The following SLC9A9 variants were observed in gnomAD, a reference collection of about 807,000 sequenced individuals.
SLC9A9 encodes the protein sodium/hydrogen exchanger 9.
In SLC9A9, 62 loss-of-function variants were observed where a neutral mutation model predicts 77.8. The observed-to-expected ratio is 0.80, with a 90% CI of 0.65 to 0.98. The LOEUF (loss-of-function observed/expected upper bound fraction) is 0.98. Ranked by LOEUF, SLC9A9 falls within the 50% of genes least tolerant of loss-of-function variation. SLC9A9 has a pLI of 0.00. For synonymous variants in SLC9A9, 320 were observed against 283.5 expected (o/e 1.13, Z -1.29); for missense variants, 775 against 774.9 (o/e 1.00, Z 0.00).
At chr3:143,552,256 A>G (rs2036901978) in intron 9 of SLC9A9, 106 bp downstream of exon 9, 1 of 781,806 alleles carries the variant, frequency 1.3e-6, no homozygotes, top group Non-Finnish European at 2.0e-6. Flanking sequence ...TTAAGCTTAC[A>G]TTCTTCCTTT....
intron 2 of SLC9A9, among the ~76,000 whole-genome samples, chr3:143,820,672 G>A (rs183726891): frequency 2.6e-5 from 4 of 152,222 alleles, no homozygotes; most frequent in Admixed American, 2.0e-4. Flanking sequence ...AAAATAACAG[G>A]TGCAAGTGAG....
intron 4 of SLC9A9, among the ~76,000 whole-genome samples, chr3:143,715,294 C>G (rs1934308786): frequency 6.6e-6 from 1 of 152,216 alleles, no homozygotes; most frequent in Non-Finnish European, 1.5e-5. Flanking sequence ...GTCCACACAG[C>G]TCTCTTTCCA....
chr3:143,757,289 GA>G (rs1268184675), intron 4 of SLC9A9, among the ~76,000 whole-genome samples: 2 of 152,128 alleles, frequency 1.3e-5, no homozygotes, highest in Non-Finnish European at 2.9e-5. Flanking sequence ...ATAAATAAGT[GA>G]TATGATTAAT....
intron 4 of SLC9A9, among the ~76,000 whole-genome samples, chr3:143,764,535 C>T (rs2108835045): frequency 6.6e-6 from 1 of 152,238 alleles, no homozygotes; most frequent in South Asian, 2.1e-4. Flanking sequence ...AATTCCTTCC[C>T]TGAATTTTGT....
intron 14 of SLC9A9, among the ~76,000 whole-genome samples, chr3:143,318,866 G>T (rs896123712): frequency 3.9e-5 from 6 of 152,186 alleles, no homozygotes; most frequent in South Asian, 2.1e-4. Context: ...AAGATCTCTT[G>T]GGAGAGATGA....
chr3:143,644,724 A>C (rs936185031), intron 6 of SLC9A9, among the ~76,000 whole-genome samples: 1 of 150,730 alleles, frequency 6.6e-6, no homozygotes, highest in African/African-American at 2.4e-5. Context: ...CATGAAATTG[A>C]CTCCCAAGAC....
intron 2 of SLC9A9, among the ~76,000 whole-genome samples, chr3:143,823,679 TA>T (rs1333973968): frequency 4.0e-5 from 6 of 151,736 alleles, no homozygotes; most frequent in African/African-American, 1.5e-4. Context: ...AAAAATAAAT[TA>T]AAAATTAAAC....
chr3:143,313,248 T>C (rs2031086643), intron 14 of SLC9A9: 1 of 152,196 alleles, frequency 6.6e-6, no homozygotes, highest in Non-Finnish European at 1.5e-5. Flanking sequence ...GTCTTGCAGA[T>C]TCTAAAGCTG....
At chr3:143,715,212 C>T (rs1934305574) in intron 4 of SLC9A9, among the ~76,000 whole-genome samples, 1 of 151,918 alleles carries the variant, frequency 6.6e-6, no homozygotes, top group South Asian at 2.1e-4. Flanking sequence ...TCTTTCAGTT[C>T]CCTCTCTTTA....
intron 6 of SLC9A9, among the ~76,000 whole-genome samples, chr3:143,582,486 G>C (rs1525863): frequency 0.11 from 17,046 of 152,070 alleles, 1,156 homozygotes; most frequent in East Asian, 0.15. Flanking sequence ...ATAACAACAG[G>C]GTGGTCAGTT....
intron 9 of SLC9A9, among the ~76,000 whole-genome samples, chr3:143,538,850 C>G (rs1294641503): frequency 6.6e-6 from 1 of 152,310 alleles, no homozygotes; most frequent in Admixed American, 6.5e-5. Context: ...TCACAGATCT[C>G]TAGGGGAAAA....
At chr3:143,528,802 TA>T (rs5853112) in intron 9 of SLC9A9, among the ~76,000 whole-genome samples, 41 of 147,788 alleles carry the variant, frequency 2.8e-4, no homozygotes, top group Middle Eastern at 3.5e-3. Context: ...AGCTCAAAAG[TA>T]AAAAAAAAAA....
rs1367101926 is a variant in SLC9A9, at chr3:143,301,816, A to T, written c.1605-32836T>A. Among the ~76,000 whole-genome samples the T allele has an allele frequency of 2.0e-5, 3 of 152,206 alleles. No homozygotes were observed. The East Asian group carries it at 5.8e-4, about 29-fold the overall frequency. ...TTAGTGTCTTCCCAACCACATTTCT[A>T]AGCCCACCCAAAGCTGAAAAGCTTT... On this transcript the variant is annotated intron_variant, in intron 14 of 15. Transcript: ENST00000316549.
chr3:143,472,339 G>A (rs190844882), intron 11 of SLC9A9, among the ~76,000 whole-genome samples: 7 of 152,306 alleles, frequency 4.6e-5, no homozygotes, highest in African/African-American at 1.7e-4. Context: ...GGCCCAAATC[G>A]TGAGCATCGT....
chr3:143,774,023 G>A (rs889749290), intron 4 of SLC9A9, among the ~76,000 whole-genome samples: 1 of 152,160 alleles, frequency 6.6e-6, no homozygotes, highest in Non-Finnish European at 1.5e-5. Flanking sequence ...AATAACAGAT[G>A]TGTTTATTTA....
chr3:143,785,797 G>A (rs372440995), intron 4 of SLC9A9, among the ~76,000 whole-genome samples: 1 of 150,636 alleles, frequency 6.6e-6, no homozygotes, highest in African/African-American at 2.4e-5. Context: ...ATGTCTGAGG[G>A]TACTGAAGAA....
chr3:143,542,448 C>G (rs1430871725), intron 9 of SLC9A9, among the ~76,000 whole-genome samples: 1 of 152,154 alleles, frequency 6.6e-6, no homozygotes, highest in African/African-American at 2.4e-5. Flanking sequence ...ATGACATTCT[C>G]TCTCCACTGT....
At chr3:143,819,873 T>C (rs2009122242) in intron 2 of SLC9A9, among the ~76,000 whole-genome samples, 2 of 152,232 alleles carry the variant, frequency 1.3e-5, no homozygotes, top group Admixed American at 1.3e-4. Context: ...ACCTCATTTT[T>C]ACAGAGGTGG....
intron 6 of SLC9A9, among the ~76,000 whole-genome samples, chr3:143,581,125 AT>A (rs2037444964): frequency 1.3e-5 from 2 of 152,226 alleles, no homozygotes. Flanking sequence ...AAGGGGTACT[AT>A]TTTAGAATAA....
Sources: allele counts gnomAD v4.1 joint callset (sites outside exome capture counted in the v4.1 genomes callset), GRCh38; gene constraint gnomAD v4.1.1; transcripts MANE v1.5; gene names NCBI Gene and HGNC (gene_info 2026-07-23, HGNC 2026-07-21).